DNAH6: variants seen among roughly 807,000 people sequenced by gnomAD.
DNAH6 encodes the protein dynein axonemal heavy chain 6.
Under a neutral mutation model 491.4 loss-of-function variants are expected in DNAH6, and 340 were observed. That is an observed-to-expected ratio of 0.69 (90% CI 0.63 to 0.76). DNAH6 has a LOEUF of 0.76. Among genes scored for constraint, DNAH6 ranks in the 30% least tolerant of loss-of-function variants. DNAH6 has a pLI of 0.00. For synonymous variants in DNAH6, 1,603 were observed against 1,686.1 expected, an observed-to-expected ratio of 0.95 and a Z score of 1.21; for missense variants, 4,443 against 4,972.2, an observed-to-expected ratio of 0.89 and a Z score of 3.20.
At chr2:84,550,306 A>T (rs1679208952) in intron 9 of DNAH6, among the ~76,000 whole-genome samples, 1 of 152,132 alleles carries the variant, frequency 6.6e-6, no homozygotes, top group South Asian at 2.1e-4. Context: ...AGAGTCTCAT[A>T]AGGAGCATGC....
chr2:84,745,508 A>G lies in DNAH6; in HGVS notation c.10512+259A>G, dbSNP rs141822665. 1.3e-3 allele frequency among the ~76,000 whole-genome samples: 204 copies of G among 152,308 alleles called. 7 individuals carry two copies. The South Asian group carries it at 0.039, about 29-fold the overall frequency. The stretch of plus-strand genomic sequence containing the variant: ...GTGAAACCGCGTCTCTACTAAAAAT[A>G]CAAAATAATTATCCGGGCATGGTGG... On this transcript the variant is annotated intron_variant, in intron 63 of 76. Coordinates refer to ENST00000389394, the MANE Select transcript of DNAH6 (RefSeq NM_001370.2).
intron 14 of DNAH6, among the ~76,000 whole-genome samples, chr2:84,579,923 C>T (rs781028247): frequency 9.9e-5 from 15 of 152,102 alleles, no homozygotes; most frequent in Non-Finnish European, 1.6e-4. Flanking sequence ...CTCACAAAAG[C>T]TTGAAAAGTG....
chr2:84,796,101 G>C lies in DNAH6; in HGVS notation c.11240-205G>C, dbSNP rs186962196. Among the ~76,000 whole-genome samples, 3 of 152,224 alleles carry C rather than the reference G, an allele frequency of 2.0e-5. No homozygotes were observed. The East Asian group carries it at 5.8e-4, about 29-fold the overall frequency. The stretch of plus-strand genomic sequence containing the variant: ...CTAAAACAGCAAAATAATGAGAGTA[G>C]AGTACATATAGTAGATTTTTTCTAC... On this transcript the variant is annotated intron_variant, in intron 68 of 76. Coordinates refer to ENST00000389394, the MANE Select transcript of DNAH6 (RefSeq NM_001370.2).
At chr2:84,715,327 G>A (rs1044162060) in intron 57 of DNAH6, among the ~76,000 whole-genome samples, 2 of 152,066 alleles carry the variant, frequency 1.3e-5, no homozygotes, top group Non-Finnish European at 2.9e-5. Flanking sequence ...ACACAATGTA[G>A]GATTCTGTAA....
intron 64 of DNAH6, among the ~76,000 whole-genome samples, chr2:84,771,712 A>G (rs1316088856): frequency 2.0e-5 from 3 of 152,176 alleles, no homozygotes; most frequent in Admixed American, 6.5e-5. Flanking sequence ...TTAACCAAGA[A>G]TTCTATATCT....
chr2:84,650,909 T>C (rs1011742531), intron 33 of DNAH6, among the ~76,000 whole-genome samples: 9 of 152,300 alleles, frequency 5.9e-5, no homozygotes, highest in African/African-American at 2.2e-4. Flanking sequence ...AAACTTATTT[T>C]AGCTGGCTTT....
chr2:84,697,650 G>A lies in DNAH6; in HGVS notation c.7600G>A (p.Asp2534Asn), dbSNP rs374890236. The A allele has an allele frequency of 1.4e-4, 220 of 1,551,998 alleles. No homozygotes were observed. The Middle Eastern group carries it at 1.8e-3, about 13-fold the overall frequency. Residue 2534 changes from aspartate (D) to asparagine (N), a missense_variant, in exon 47 of 77, where the codon GAT becomes AAT. Asp to Asn is a conservative substitution (Grantham distance 23, BLOSUM62 1). Coordinates refer to ENST00000389394, the MANE Select transcript of DNAH6 (RefSeq NM_001370.2). ...TGAAGTGCCTAATTTATTTGAAAAG[G>A]ATGAACTGGAGCAGGTTTTAGCGGC... is the stretch of plus-strand genomic sequence containing the variant. ...SGEVPNLFEK[D>N]ELEQVLAATR...
At chr2:84,781,372 G>A (rs1676680825) in intron 64 of DNAH6, 121 bp from the exon 65 acceptor site, 4 of 837,990 alleles carry the variant, frequency 4.8e-6, no homozygotes, top group Admixed American at 6.1e-5. Context: ...TACTCCTATT[G>A]GAATGAGGAT....
intron 68 of DNAH6, among the ~76,000 whole-genome samples, chr2:84,792,014 T>C (rs1677802599): frequency 6.6e-6 from 1 of 152,134 alleles, no homozygotes; most frequent in South Asian, 2.1e-4. Context: ...ACAGAGAGTA[T>C]CGTATATACA....
chr2:84,784,822 A>C lies in DNAH6; in HGVS notation c.10953+12A>C. The stretch of plus-strand genomic sequence containing the variant: ...AAAATTCTGTCAAGGTAATGTATGC[A>C]TATGGTTGGAACAATGTGAAATGGT... On this transcript the variant is annotated intron_variant, in intron 66 of 76. Coordinates refer to ENST00000389394, the MANE Select transcript of DNAH6 (RefSeq NM_001370.2). 2 of 1,503,066 alleles carry C rather than the reference A, an allele frequency of 1.3e-6. No homozygotes were observed. The highest frequency in any genetic ancestry group is 4.9e-5 in the East Asian group (2 of 40,684). 93.1% of individuals were successfully genotyped at this position (1,503,066 alleles called of 1,614,324 possible).
At chr2:84,720,310 G>C in intron 59 of DNAH6, among the ~76,000 whole-genome samples, 1 of 107,206 alleles carries the variant, frequency 9.3e-6, no homozygotes, top group South Asian at 3.5e-4. Flanking sequence ...ACAGAGTCTC[G>C]CTCTGTCGCC....
chr2:84,459,598 G>A, the DNAH6 span: 3 of 267,796 alleles, frequency 1.1e-5, no homozygotes, highest in Non-Finnish European at 2.2e-5. Context: ...GCGGCGGGAA[G>A]GGAGCGAGGG....
intron 35 of DNAH6, among the ~76,000 whole-genome samples, chr2:84,657,763 C>T (rs1322717235): frequency 6.6e-6 from 1 of 151,894 alleles, no homozygotes; most frequent in East Asian, 1.9e-4. Flanking sequence ...TATTTGTAAA[C>T]AAAGACAGTT....
chr2:84,667,961 C>A (rs1051396228), intron 37 of DNAH6, among the ~76,000 whole-genome samples: 1 of 152,134 alleles, frequency 6.6e-6, no homozygotes, highest in Admixed American at 6.5e-5. Context: ...AAGCTAGAAA[C>A]CATCATTCTG....
the DNAH6 span, among the ~76,000 whole-genome samples, chr2:84,467,807 A>G: frequency 6.6e-6 from 1 of 152,202 alleles, no homozygotes; most frequent in Non-Finnish European, 1.5e-5. Context: ...TAGCTAGGGG[A>G]CATGGCTAAT....
the DNAH6 span, among the ~76,000 whole-genome samples, chr2:84,477,753 G>A: frequency 1.3e-5 from 2 of 152,206 alleles, no homozygotes; most frequent in Non-Finnish European, 1.5e-5. Context: ...TATTTGTGAG[G>A]AGAGAGTGAA....
At chr2:84,743,101 C>T (rs1283515476) in intron 62 of DNAH6, among the ~76,000 whole-genome samples, 5 of 151,896 alleles carry the variant, frequency 3.3e-5, no homozygotes, top group African/African-American at 1.2e-4. Flanking sequence ...TAGAAGAAAC[C>T]CAGAGATGGA....
the DNAH6 span, among the ~76,000 whole-genome samples, chr2:84,493,457 C>T: frequency 1.2e-4 from 19 of 152,176 alleles, 2 homozygotes; most frequent in South Asian, 3.7e-3. Flanking sequence ...ATGTAGCTTC[C>T]ATTAAAATCC....
intron 39 of DNAH6, among the ~76,000 whole-genome samples, 196 bp from the exon 40 acceptor site, chr2:84,672,131 C>T (rs1358675013): frequency 6.6e-6 from 1 of 152,198 alleles, no homozygotes; most frequent in Non-Finnish European, 1.5e-5. Context: ...ACGTGGACGT[C>T]TTGACCAGGA....
Sources: gnomAD v4.1 joint callset for allele counts (sites outside exome capture counted in the v4.1 genomes callset) on GRCh38, gnomAD v4.1.1 for gene constraint, MANE v1.5 for transcripts, NCBI Gene and HGNC (gene_info 2026-07-23, HGNC 2026-07-21) for gene names.